PDS5A: variants seen among roughly 807,000 people sequenced by gnomAD.
PDS5A encodes the protein sister chromatid cohesion protein PDS5 homolog A.
Under a neutral mutation model 167.1 loss-of-function variants are expected in PDS5A, and 42 were observed. That is an observed-to-expected ratio of 0.25 (90% CI 0.20 to 0.33). The LOEUF (loss-of-function observed/expected upper bound fraction) is 0.33, where lower values mean the gene tolerates loss of function less well. PDS5A is among the 10% of genes least tolerant of loss of function. The pLI is 1.00. For missense variants in PDS5A, 1,033 were observed against 1,605.9 expected, an observed-to-expected ratio of 0.64 and a Z score of 6.10; for synonymous variants, 553 against 554.6, an observed-to-expected ratio of 1.00 and a Z score of 0.04.
rs752980603 is a variant in PDS5A, at chr4:39,838,222, A to G, written c.3658-14T>C. 3.3e-5 allele frequency: 48 copies of G among 1,465,156 alleles called. No individual in the cohort carries two copies. Among genetic ancestry groups the G allele is most frequent in the Non-Finnish European group, 4.3e-5 (47 of 1,091,246 alleles). 90.8% of individuals were successfully genotyped at this position (1,465,156 alleles called of 1,614,324 possible). The stretch of plus-strand genomic sequence containing the variant: ...AGAATTAATTTCCTAAAAAAGCACA[A>G]AACAATTCTATAAACACAAATTCCT... On this transcript the variant is annotated splice_polypyrimidine_tract_variant and intron_variant, in intron 31 of 32. Coordinates refer to ENST00000303538, the MANE Select transcript of PDS5A (RefSeq NM_001100399.2).
At chr4:39,842,833 T>C (rs1717147528) in intron 30 of PDS5A, among the ~76,000 whole-genome samples, 1 of 147,600 alleles carries the variant, frequency 6.8e-6, no homozygotes, top group Admixed American at 6.8e-5. Context: ...ATATACTGAA[T>C]ACTTAACATG....
intron 2 of PDS5A, among the ~76,000 whole-genome samples, chr4:39,960,050 G>A (rs908498843): frequency 6.6e-6 from 1 of 151,990 alleles, no homozygotes; most frequent in Non-Finnish European, 1.5e-5. Context: ...CTGAGATCGC[G>A]CCACTGCACT....
intron 2 of PDS5A, among the ~76,000 whole-genome samples, chr4:39,937,453 G>A (rs1447262930): frequency 1.3e-5 from 2 of 151,466 alleles, no homozygotes; most frequent in African/African-American, 4.9e-5. Context: ...TCACTTTGTC[G>A]CCCAGGCTGG....
At chr4:39,889,982 GTCTTTC>G (rs1227425089) in intron 17 of PDS5A, among the ~76,000 whole-genome samples, 2 of 152,144 alleles carry the variant, frequency 1.3e-5, no homozygotes, top group African/African-American at 4.8e-5. Flanking sequence ...TCCTTTTTCT[GTCTTTC>G]TCTTTGTTCT....
chr4:39,961,423 A>G lies in PDS5A; in HGVS notation c.138+15017T>C, dbSNP rs144866747. ...GGAGGCGCCCGCCACCATGCCCGCT[A>G]ATTTTTTTTGTATTTTTGGTAGAGA... On this transcript the variant is annotated intron_variant, in intron 2 of 32. Coordinates refer to ENST00000303538, the MANE Select transcript of PDS5A (RefSeq NM_001100399.2). Among the ~76,000 whole-genome samples, 704 of 151,864 alleles carry G rather than the reference A, an allele frequency of 4.6e-3. 8 individuals are homozygous for G. Among genetic ancestry groups the G allele is most frequent in the African/African-American group, 0.016 (664 of 41,440 alleles).
intron 8 of PDS5A, among the ~76,000 whole-genome samples, chr4:39,916,059 C>T (rs1460357732): frequency 6.6e-6 from 1 of 151,914 alleles, no homozygotes; most frequent in Non-Finnish European, 1.5e-5. Flanking sequence ...ATAGTGAGAA[C>T]CCCTCTCAAA....
At chr4:39,913,971 A>G (rs1724118970) in intron 8 of PDS5A, among the ~76,000 whole-genome samples, 1 of 152,156 alleles carries the variant, frequency 6.6e-6, no homozygotes, top group Non-Finnish European at 1.5e-5. Flanking sequence ...GATTAATTGC[A>G]TTCTATACAT....
intron 2 of PDS5A, among the ~76,000 whole-genome samples, chr4:39,953,080 C>G (rs570666695): frequency 1.3e-5 from 2 of 152,224 alleles, no homozygotes; most frequent in East Asian, 3.9e-4. Context: ...ATTATCATAC[C>G]TAATAACCTA....
chr4:39,829,651 A>C (rs919809171), intron 32 of PDS5A, among the ~76,000 whole-genome samples: 25 of 146,782 alleles, frequency 1.7e-4, no homozygotes, highest in South Asian at 1.1e-3. Flanking sequence ...CATCTCCACA[A>C]AAAAAAAAAA....
chr4:39,885,023 G>A (rs1378183936), intron 17 of PDS5A, among the ~76,000 whole-genome samples: 1 of 151,994 alleles, frequency 6.6e-6, no homozygotes. Context: ...AGAAATTTGG[G>A]AGGCCGAGGT....
chr4:39,950,054 C>A (rs1378426080), intron 2 of PDS5A, among the ~76,000 whole-genome samples: 1 of 151,726 alleles, frequency 6.6e-6, no homozygotes, highest in East Asian at 2.0e-4. Context: ...TACAGGCATG[C>A]GCCACCACGC....
chr4:39,936,899 A>C (rs1365690561), intron 2 of PDS5A: 2 of 152,286 alleles, frequency 1.3e-5, no homozygotes, highest in African/African-American at 4.8e-5. Flanking sequence ...GTGGAAGAAA[A>C]GTATGTAACT....
At chr4:39,839,557 A>G (rs1301506722) in intron 31 of PDS5A, among the ~76,000 whole-genome samples, 1 of 152,030 alleles carries the variant, frequency 6.6e-6, no homozygotes, top group Non-Finnish European at 1.5e-5. Flanking sequence ...CAACAGAGAA[A>G]GACTCCATCT....
At chr4:39,874,173 A>T in intron 20 of PDS5A, 116 bp downstream of exon 20, 1 of 715,578 alleles carries the variant, frequency 1.4e-6, no homozygotes, top group Non-Finnish European at 2.3e-6. Context: ...AGGAATTTAT[A>T]GTCTAAGGTA....
intron 2 of PDS5A, among the ~76,000 whole-genome samples, chr4:39,975,472 T>C: frequency 6.6e-6 from 1 of 152,216 alleles, no homozygotes; most frequent in Non-Finnish European, 1.5e-5. Flanking sequence ...GTCAACAATG[T>C]TGCTTCCCTC....
At position 39,934,218 on chromosome 4, in the gene PDS5A, T is replaced by C. The variant is rs546337663; in HGVS notation, c.139-6054A>G. On this transcript the variant is annotated intron_variant, in intron 2 of 32. Coordinates refer to ENST00000303538, the MANE Select transcript of PDS5A (RefSeq NM_001100399.2). ...CCACCTTTCTGATTAGAGCACAGGA[T>C]TCAGCTCTCCTTGTGGGCCAGCTAT... 3.9e-5 allele frequency among the ~76,000 whole-genome samples: 6 copies of C among 152,302 alleles called. No individual in the cohort carries two copies. In the South Asian group the frequency reaches 1.2e-3, roughly 32 times the overall value.
rs1334351977 is a variant in PDS5A at position 39,824,341 on chromosome 4, T to C, written c.*1144A>G. On this transcript the variant is annotated 3_prime_UTR_variant, in exon 33 of 33. Coordinates refer to ENST00000303538, the MANE Select transcript of PDS5A (RefSeq NM_001100399.2). ...ATGACATCTAGAAGCATTTATTTTA[T>C]GCAAAAAACTTAAATATGATTATGT... 2 of 152,164 alleles carry C rather than the reference T, an allele frequency of 1.3e-5. No homozygotes were observed. Among genetic ancestry groups the C allele is most frequent in the Admixed American group, 6.6e-5 (1 of 15,256 alleles). The allele number at this position is 152,164 out of a possible 1,614,324, so 9.4% of individuals were successfully genotyped here.
chr4:39,874,222 T>C, intron 20 of PDS5A, 67 bp downstream of exon 20: 1 of 1,371,698 alleles, frequency 7.3e-7, no homozygotes, highest in Non-Finnish European at 1.0e-6. Context: ...CTAGCTTCCA[T>C]CTTCATCAAA....
chr4:39,863,955 C>A (rs911512160), intron 23 of PDS5A, among the ~76,000 whole-genome samples: 1 of 151,920 alleles, frequency 6.6e-6, no homozygotes, highest in African/African-American at 2.4e-5. Flanking sequence ...ATGGTGAAAC[C>A]CTGTTTCTAC....
Sources: allele counts gnomAD v4.1 joint callset (sites outside exome capture counted in the v4.1 genomes callset), GRCh38; gene constraint gnomAD v4.1.1; transcripts MANE v1.5; gene names NCBI Gene and HGNC (gene_info 2026-07-23, HGNC 2026-07-21).